The following PARK7 variants were observed in gnomAD, a reference collection of about 807,000 sequenced individuals.
PARK7 encodes the protein Parkinsonism associated deglycase.
PARK7 carries 14 observed loss-of-function variants against 20.5 expected under a neutral mutation model. The observed-to-expected ratio is 0.68, with a 90% confidence interval of 0.45 to 1.07. The LOEUF is 1.07. PARK7 is among the 50% of genes least tolerant of loss of function. PARK7 has a pLI of 0.00. For missense variants in PARK7, 234 were observed against 238.1 expected, an observed-to-expected ratio of 0.98 and a Z score of 0.11; for synonymous variants, 98 against 84.3, an observed-to-expected ratio of 1.16 and a Z score of -0.89.
chr1:7,977,079 C>T (rs1363832494), intron 5 of PARK7, among the ~76,000 whole-genome samples: 1 of 152,086 alleles, frequency 6.6e-6, no homozygotes, highest in Non-Finnish European at 1.5e-5. Flanking sequence ...TCCAGAAGTT[C>T]AGAGAGTACC....
chr1:7,976,179 G>A (rs1482833951), intron 5 of PARK7, among the ~76,000 whole-genome samples: 1 of 152,188 alleles, frequency 6.6e-6, no homozygotes, highest in Non-Finnish European at 1.5e-5. Flanking sequence ...CAGGTTTGCT[G>A]ACACTAAAAG....
At chr1:7,978,801 C>CT (rs1159942863) in intron 6 of PARK7, among the ~76,000 whole-genome samples, 1 of 148,916 alleles carries the variant, frequency 6.7e-6, no homozygotes, top group Non-Finnish European at 1.5e-5. Flanking sequence ...GAGCTGTGAT[C>CT]TCGCCACTGA....
chr1:7,983,492 G>A (rs1161601509), intron 6 of PARK7, among the ~76,000 whole-genome samples: 1 of 152,234 alleles, frequency 6.6e-6, no homozygotes, highest in Non-Finnish European at 1.5e-5. Context: ...CCAGCCTAGT[G>A]CAGGCACCAC....
chr1:7,976,814 G>A (rs917716287), intron 5 of PARK7, among the ~76,000 whole-genome samples: 4 of 152,082 alleles, frequency 2.6e-5, no homozygotes, highest in South Asian at 2.1e-4. Flanking sequence ...TCTGCCTCCC[G>A]GGTTCACCCC....
intron 3 of PARK7, chr1:7,969,143 A>G: frequency 1.8e-6 from 1 of 559,234 alleles, no homozygotes; most frequent in Non-Finnish European, 3.2e-6. Context: ...ATGTCACTAC[A>G]TACAGGTTTT....
At chr1:7,979,417 G>A (rs115689736) in intron 6 of PARK7, among the ~76,000 whole-genome samples, 2,594 of 152,164 alleles carry the variant, frequency 0.017, 77 homozygotes, top group African/African-American at 0.059. Context: ...CAGTTTACAT[G>A]AGGGTTCTCT....
chr1:7,961,910 C>G (rs911286000), intron 1 of PARK7, 117 bp downstream of exon 1: 2 of 151,112 alleles, frequency 1.3e-5, no homozygotes, highest in Non-Finnish European at 2.9e-5. Context: ...GGCGCGGGGC[C>G]TGGGTCGGGG....
chr1:7,968,411 T>C (rs533445579), intron 3 of PARK7, among the ~76,000 whole-genome samples: 2 of 152,216 alleles, frequency 1.3e-5, no homozygotes, highest in African/African-American at 4.8e-5. Flanking sequence ...ATTAATTTGA[T>C]TTCTAGGATT....
chr1:7,967,451 C>CAT (rs1186179354), intron 3 of PARK7, among the ~76,000 whole-genome samples: 1 of 152,140 alleles, frequency 6.6e-6, no homozygotes, highest in Non-Finnish European at 1.5e-5. Flanking sequence ...ATTGCTGGAC[C>CAT]ATATGGTAGT....
chr1:7,978,082 C>T (rs1178198002), intron 6 of PARK7, among the ~76,000 whole-genome samples: 9 of 135,510 alleles, frequency 6.6e-5, no homozygotes, highest in East Asian at 2.5e-4. Context: ...CTGCAACTTC[C>T]GCCTCCCGGG....
intron 2 of PARK7, among the ~76,000 whole-genome samples, chr1:7,964,593 A>G (rs1296473945): frequency 6.6e-6 from 1 of 152,154 alleles, no homozygotes; most frequent in Non-Finnish European, 1.5e-5. Flanking sequence ...TCCAGGTTAT[A>G]TATCTAAAAG....
intron 4 of PARK7, among the ~76,000 whole-genome samples, chr1:7,970,160 A>G (rs1262508949): frequency 6.6e-6 from 1 of 152,310 alleles, no homozygotes; most frequent in African/African-American, 2.4e-5. Context: ...GCACCACTGC[A>G]TTCTAGCCTG....
intron 1 of PARK7, 133 bp downstream of exon 1, chr1:7,961,926 C>T (rs1640211392): frequency 6.6e-6 from 1 of 152,350 alleles, no homozygotes; most frequent in Non-Finnish European, 1.5e-5. Flanking sequence ...CGGGGCCGCC[C>T]TCGCTTCCGG....
intron 1 of PARK7, 58 bp from the exon 2 acceptor site, chr1:7,962,705 G>A: frequency 9.0e-7 from 1 of 1,116,692 alleles, no homozygotes. Context: ...TAAATTTTGG[G>A]GTATCTCAGG....
intron 4 of PARK7, 143 bp from the exon 5 acceptor site, chr1:7,970,751 C>A: frequency 1.3e-6 from 1 of 783,676 alleles, no homozygotes; most frequent in Non-Finnish European, 2.2e-6. Context: ...CATTTTTATA[C>A]CAATGATTTA....
chr1:7,977,853 G>T, intron 6 of PARK7, 115 bp downstream of exon 6: 1 of 836,506 alleles, frequency 1.2e-6, no homozygotes, highest in Non-Finnish European at 2.0e-6. Flanking sequence ...CCTGCCTCCC[G>T]GGTTCAAGCG....
chr1:7,982,889 A>G (rs534768625), intron 6 of PARK7: 32 of 152,342 alleles, frequency 2.1e-4, no homozygotes, highest in African/African-American at 7.5e-4. Flanking sequence ...TTTTTAGATT[A>G]GTCAAGCACA....
chr1:7,982,766 G>T (rs161802), intron 6 of PARK7: 38,064 of 152,090 alleles, frequency 0.25, 5,656 homozygotes, highest in East Asian at 0.63. Flanking sequence ...GCCAGATTAT[G>T]ATAAACCTTT....
chr1:7,971,045 T>C, intron 5 of PARK7, 82 bp downstream of exon 5: 1 of 1,434,502 alleles, frequency 7.0e-7, no homozygotes, highest in Non-Finnish European at 9.8e-7. Context: ...TCCAAATAGC[T>C]CTTCCCCTTC....
Sources: gnomAD v4.1 joint callset for allele counts (sites outside exome capture counted in the v4.1 genomes callset) on GRCh38, gnomAD v4.1.1 for gene constraint, MANE v1.5 for transcripts, NCBI Gene and HGNC (gene_info 2026-07-23, HGNC 2026-07-21) for gene names.